The following FAM13B variants were observed in gnomAD, a reference collection of about 807,000 sequenced individuals.
FAM13B encodes the protein family with sequence similarity 13 member B.
In FAM13B, 60 loss-of-function variants were observed where a neutral mutation model predicts 117.3. That is an observed-to-expected ratio of 0.51 (90% confidence interval 0.42 to 0.63). FAM13B has a LOEUF of 0.63. Ranked by LOEUF, FAM13B falls within the 30% of genes least tolerant of loss-of-function variation. FAM13B has a pLI of 0.00. For synonymous variants in FAM13B, 332 were observed against 356.1 expected, an observed-to-expected ratio of 0.93 and a Z score of 0.76; for missense variants, 972 against 1,091.9, an observed-to-expected ratio of 0.89 and a Z score of 1.55.
chr5:137,996,985 G>C (rs528898832), intron 7 of FAM13B, among the ~76,000 whole-genome samples: 1 of 151,914 alleles, frequency 6.6e-6, no homozygotes, highest in Non-Finnish European at 1.5e-5. Flanking sequence ...TTTTTGGCTT[G>C]TGGTTTCTTA....
intron 16 of FAM13B, among the ~76,000 whole-genome samples, chr5:137,953,133 C>T (rs536468516): frequency 6.6e-6 from 1 of 152,242 alleles, no homozygotes; most frequent in African/African-American, 2.4e-5. Flanking sequence ...TATAAAGATG[C>T]CACGGTGCAA....
chr5:138,014,343 T>C (rs1408069869), intron 4 of FAM13B, among the ~76,000 whole-genome samples: 1 of 152,220 alleles, frequency 6.6e-6, no homozygotes, highest in Non-Finnish European at 1.5e-5. Flanking sequence ...TGTTAGGAAC[T>C]GGGCCATACA....
At chr5:137,959,869 G>T in intron 12 of FAM13B, 106 bp from the exon 13 acceptor site, 1 of 1,064,220 alleles carries the variant, frequency 9.4e-7, no homozygotes, top group Non-Finnish European at 1.4e-6. Context: ...AGTTTACTGT[G>T]CCTATACAGC....
intron 7 of FAM13B, among the ~76,000 whole-genome samples, chr5:137,990,956 C>T (rs1311774732): frequency 2.0e-5 from 3 of 151,990 alleles, no homozygotes; most frequent in Non-Finnish European, 2.9e-5. Flanking sequence ...TTTCAAAGAG[C>T]TCTAAAAATG....
chr5:138,033,018 G>A lies in FAM13B; in HGVS notation c.-439C>T. Reference sequence around the variant, plus strand: ...CAGACGCGGAACAGGGGGAGAGAGTGGCGACAGAGGCGGCGGCTGAGGTGC... The same window carrying A: ...CAGACGCGGAACAGGGGGAGAGAGTAGCGACAGAGGCGGCGGCTGAGGTGC... On this transcript the variant is annotated 5_prime_UTR_variant, in exon 1 of 24. Coordinates refer to ENST00000689681, the MANE Select transcript of FAM13B (RefSeq NM_001385994.1). The A allele has an allele frequency of 1.0e-6, 1 of 986,940 alleles. No individual in the cohort carries two copies. Among genetic ancestry groups the A allele is most frequent in the Non-Finnish European group, 1.2e-6 (1 of 831,148 alleles). The allele number at this position is 986,940 out of a possible 1,614,324, so 61.1% of individuals were successfully genotyped here.
chr5:137,968,470 A>T (rs1215522821), intron 10 of FAM13B, among the ~76,000 whole-genome samples: 1 of 151,990 alleles, frequency 6.6e-6, no homozygotes, highest in African/African-American at 2.4e-5. Flanking sequence ...TCTTAAGATT[A>T]ATTTCAGCCT....
At chr5:138,048,944 T>TC (rs1417080993) in intron 1 of FAM13B, among the ~76,000 whole-genome samples, 37 of 148,464 alleles carry the variant, frequency 2.5e-4, no homozygotes, top group African/African-American at 6.9e-4. Flanking sequence ...ACATTTCTTT[T>TC]TTTTTTTTTT....
In FAM13B at chr5:137,949,191, G is replaced by A. The variant is rs918926710; in HGVS notation, c.1931-7C>T. ...GAATTTTTGTGTTTTGCATCTACAT[G>A]TCAGAAATAAGGACAGATCAGTAAT... On this transcript the variant is annotated splice_polypyrimidine_tract_variant and splice_region_variant and intron_variant, in intron 17 of 23. Transcript: ENST00000689681. 6.2e-7 allele frequency: 1 copy of A among 1,607,924 alleles called. No individual in the cohort carries two copies. Among genetic ancestry groups the A allele is most frequent in the African/African-American group, 1.3e-5 (1 of 74,926 alleles).
intron 7 of FAM13B, among the ~76,000 whole-genome samples, chr5:137,994,872 AG>A (rs1315966197): frequency 6.6e-6 from 1 of 152,258 alleles, no homozygotes; most frequent in Non-Finnish European, 1.5e-5. Context: ...CACTTACTCC[AG>A]TCACTAATAT....
At chr5:137,950,164 T>G (rs1764556870) in intron 17 of FAM13B, among the ~76,000 whole-genome samples, 1 of 152,156 alleles carries the variant, frequency 6.6e-6, no homozygotes, top group African/African-American at 2.4e-5. Context: ...AAAATAACTT[T>G]AAAGAATGCT....
intron 10 of FAM13B, among the ~76,000 whole-genome samples, chr5:137,966,379 G>C (rs867904065): frequency 4.0e-4 from 60 of 150,422 alleles, no homozygotes; most frequent in African/African-American, 1.2e-3. Flanking sequence ...GGAGGTTGCA[G>C]TGAGCCGAGA....
intron 10 of FAM13B, among the ~76,000 whole-genome samples, chr5:137,980,677 C>T (rs1561489262): frequency 6.6e-6 from 1 of 152,020 alleles, no homozygotes; most frequent in East Asian, 1.9e-4. Context: ...TGGGCTCAAG[C>T]GATCCACCTG....
At chr5:138,003,114 T>A (rs1210706918) in intron 7 of FAM13B, among the ~76,000 whole-genome samples, 2 of 152,168 alleles carry the variant, frequency 1.3e-5, no homozygotes, top group Non-Finnish European at 2.9e-5. Flanking sequence ...CTTCAATCTT[T>A]AGCCTCTATC....
intron 1 of FAM13B, among the ~76,000 whole-genome samples, chr5:138,048,160 T>A (rs1350179205): frequency 1.3e-5 from 2 of 152,176 alleles, no homozygotes; most frequent in African/African-American, 4.8e-5. Context: ...AAGTACGATT[T>A]CCCATATACC....
chr5:138,029,734 G>C (rs1000613523), intron 1 of FAM13B, among the ~76,000 whole-genome samples: 22 of 152,178 alleles, frequency 1.4e-4, no homozygotes, highest in African/African-American at 5.3e-4. Context: ...GCAGTTTTCA[G>C]TTTTATTTTT....
intron 1 of FAM13B, among the ~76,000 whole-genome samples, chr5:138,048,789 A>G (rs775740265): frequency 6.6e-6 from 1 of 152,146 alleles, no homozygotes; most frequent in Non-Finnish European, 1.5e-5. Flanking sequence ...TTTCTCATAT[A>G]TTCACAATAT....
intron 4 of FAM13B, among the ~76,000 whole-genome samples, chr5:138,012,604 T>G (rs1241069575): frequency 6.6e-6 from 1 of 152,198 alleles, no homozygotes; most frequent in Non-Finnish European, 1.5e-5. Flanking sequence ...GCCTTGTATT[T>G]ATCGTGTCAA....
intron 2 of FAM13B, 135 bp downstream of exon 2, chr5:138,020,893 ACAT>A (rs1211965946): frequency 2.1e-6 from 1 of 467,966 alleles, no homozygotes; most frequent in Admixed American, 4.5e-5. Context: ...CAGACAAGCA[ACAT>A]CCATTCTTCA....
At chr5:138,009,967 T>C (rs981027108) in intron 6 of FAM13B, among the ~76,000 whole-genome samples, 8 of 152,106 alleles carry the variant, frequency 5.3e-5, no homozygotes, top group East Asian at 1.9e-4. Flanking sequence ...ACAGAGATAC[T>C]ATTATTTCAA....
Sources: gnomAD v4.1 joint callset for allele counts (sites outside exome capture counted in the v4.1 genomes callset) on GRCh38, gnomAD v4.1.1 for gene constraint, MANE v1.5 for transcripts, NCBI Gene and HGNC (gene_info 2026-07-23, HGNC 2026-07-21) for gene names.